Variants in XKR4 observed in about 807,000 individuals in gnomAD.
The protein encoded by XKR4 is XK related 4.
Under a neutral mutation model 53.9 loss-of-function variants are expected in XKR4, and 12 were observed. The ratio of observed to expected loss-of-function variants is 0.22; its 90% confidence interval spans 0.14 to 0.36. The LOEUF (loss-of-function observed/expected upper bound fraction) is 0.36, where lower values mean the gene tolerates loss of function less well. XKR4 is among the 10% of genes least tolerant of loss of function. The probability of loss-of-function intolerance (pLI) is 1.00; values close to 1 mark genes in which losing one functional copy is unlikely to be tolerated. For synonymous variants in XKR4, 354 were observed against 362.4 expected, an observed-to-expected ratio of 0.98 and a Z score of 0.26; for missense variants, 799 against 859.5, an observed-to-expected ratio of 0.93 and a Z score of 0.88.
chr8:55,452,353 G>T, intron 2 of XKR4: 1 of 630,284 alleles, frequency 1.6e-6, no homozygotes, highest in Non-Finnish European at 2.9e-6. Flanking sequence ...CCCACCAGGG[G>T]GTCTGTGAGC....
chr8:55,111,383 G>T (rs1816228180), intron 1 of XKR4, among the ~76,000 whole-genome samples: 1 of 152,058 alleles, frequency 6.6e-6, no homozygotes, highest in Non-Finnish European at 1.5e-5. Context: ...AGTACCTAGG[G>T]TATATGCACT....
intron 1 of XKR4, among the ~76,000 whole-genome samples, chr8:55,211,367 T>C (rs1817727429): frequency 6.6e-6 from 1 of 152,182 alleles, no homozygotes; most frequent in Non-Finnish European, 1.5e-5. Context: ...GACTTGGAGA[T>C]TAAGTCAAGC....
At chr8:55,505,017 A>AT (rs1384723746) in intron 2 of XKR4, among the ~76,000 whole-genome samples, 5 of 150,698 alleles carry the variant, frequency 3.3e-5, no homozygotes, top group African/African-American at 1.2e-4. Flanking sequence ...GGTTTTCTTG[A>AT]TTTTCTCTAT....
intron 2 of XKR4, chr8:55,455,056 C>A (rs1213347690): frequency 3.6e-5 from 26 of 722,590 alleles, no homozygotes; most frequent in Non-Finnish European, 7.7e-6. Context: ...GGAAGAACTG[C>A]AGAATCTGGC....
intron 2 of XKR4, among the ~76,000 whole-genome samples, chr8:55,397,273 T>C (rs1291170231): frequency 6.6e-6 from 1 of 152,240 alleles, no homozygotes; most frequent in Non-Finnish European, 1.5e-5. Flanking sequence ...TGAGTAGTAT[T>C]TAAACTTTCT....
intron 1 of XKR4, among the ~76,000 whole-genome samples, chr8:55,116,323 C>T (rs1816308394): frequency 6.6e-6 from 1 of 152,104 alleles, no homozygotes; most frequent in Non-Finnish European, 1.5e-5. Context: ...GACTAATCCC[C>T]AGCCAGGAGT....
chr8:55,175,007 A>G (rs1331604277), intron 1 of XKR4, among the ~76,000 whole-genome samples: 8 of 152,230 alleles, frequency 5.3e-5, no homozygotes, highest in Admixed American at 1.3e-4. Flanking sequence ...AAAGAAAGGA[A>G]TTCCACTGGT....
At chr8:55,384,312 A>G (rs575626618) in intron 2 of XKR4, among the ~76,000 whole-genome samples, 1 of 152,356 alleles carries the variant, frequency 6.6e-6, no homozygotes, top group South Asian at 2.1e-4. Context: ...CACTTTCTGC[A>G]GGAAAGGAAA....
chr8:55,511,506 AC>A (rs1486895195), intron 2 of XKR4, among the ~76,000 whole-genome samples: 1 of 151,928 alleles, frequency 6.6e-6, no homozygotes, highest in African/African-American at 2.4e-5. Context: ...ATCGGGAGGA[AC>A]CCCCACATAT....
intron 1 of XKR4, among the ~76,000 whole-genome samples, chr8:55,161,216 A>G (rs956222481): frequency 6.6e-5 from 10 of 152,362 alleles, no homozygotes; most frequent in Non-Finnish European, 1.2e-4. Context: ...CTTTCTACAC[A>G]GTCATAGATA....
At chr8:55,407,439 C>T (rs1804700618) in intron 2 of XKR4, among the ~76,000 whole-genome samples, 1 of 152,234 alleles carries the variant, frequency 6.6e-6, no homozygotes, top group Admixed American at 6.5e-5. Context: ...AGAAGAGCTG[C>T]AGTGTCACCT....
chr8:55,457,146 C>CTTTTTTTTTTTTTT (rs1554527639), intron 2 of XKR4, among the ~76,000 whole-genome samples: 1 of 137,264 alleles, frequency 7.3e-6, no homozygotes, highest in African/African-American at 2.7e-5. Context: ...TTTTCCTTTT[C>CTTTTTTTTTTTTTT]TTTTTTTTTT....
chr8:55,418,204 G>T (rs559556327), intron 2 of XKR4, among the ~76,000 whole-genome samples: 1 of 152,128 alleles, frequency 6.6e-6, no homozygotes, highest in Non-Finnish European at 1.5e-5. Flanking sequence ...TTAGACACAG[G>T]CTGTACTCAT....
chr8:55,367,958 G>GTTTTTGT (rs555937578), intron 2 of XKR4, among the ~76,000 whole-genome samples: 1 of 151,698 alleles, frequency 6.6e-6, no homozygotes, highest in Non-Finnish European at 1.5e-5. Context: ...TTTTGTTTTT[G>GTTTTTGT]TTTTTGTTTT....
chr8:55,528,200 G>A lies in XKR4; in HGVS notation c.*3973G>A, dbSNP rs1195920145. On this transcript the variant is annotated 3_prime_UTR_variant, in exon 3 of 3. Transcript: ENST00000327381. ...CCATCTATAAGACCAACACACTTACGAACTTCAGTTGGAAATACCTAAATA... is the reference window on the plus strand; with the variant it reads ...CCATCTATAAGACCAACACACTTACAAACTTCAGTTGGAAATACCTAAATA... 2.6e-5 allele frequency: 4 copies of A among 152,162 alleles called. No individual in the cohort carries two copies. Among genetic ancestry groups the A allele is most frequent in the Admixed American group, 2.0e-4 (3 of 15,284 alleles). The allele number at this position is 152,162 out of a possible 1,614,324, so 9.4% of individuals were successfully genotyped here. A position where few individuals can be genotyped will look rare whatever the true frequency, so the allele number is the denominator to read the frequency against.
chr8:55,405,908 C>A (rs1411668975), intron 2 of XKR4, among the ~76,000 whole-genome samples: 1 of 152,172 alleles, frequency 6.6e-6, no homozygotes, highest in East Asian at 1.9e-4. Context: ...GTAAGTGAGC[C>A]CTTCCACCTG....
intron 2 of XKR4, among the ~76,000 whole-genome samples, chr8:55,408,121 C>T (rs1254087274): frequency 6.6e-6 from 1 of 152,268 alleles, no homozygotes; most frequent in East Asian, 1.9e-4. Flanking sequence ...CCCTATCACA[C>T]AGGGGAAAAG....
chr8:55,295,989 CA>C (rs1819095958), intron 1 of XKR4, among the ~76,000 whole-genome samples: 1 of 152,090 alleles, frequency 6.6e-6, no homozygotes, highest in Admixed American at 6.5e-5. Context: ...CAGAGAAATT[CA>C]AAATAATGAT....
intron 2 of XKR4, among the ~76,000 whole-genome samples, chr8:55,457,276 G>A: frequency 6.6e-6 from 1 of 151,574 alleles, no homozygotes; most frequent in East Asian, 1.9e-4. Context: ...CTGAATAGCT[G>A]GGACTACAGG....
Sources: gnomAD v4.1 joint callset for allele counts (sites outside exome capture counted in the v4.1 genomes callset) on GRCh38, gnomAD v4.1.1 for gene constraint, MANE v1.5 for transcripts, NCBI Gene and HGNC (gene_info 2026-07-23, HGNC 2026-07-21) for gene names.